CCSER2: variants seen among roughly 807,000 people sequenced by gnomAD.
CCSER2 encodes the protein serine-rich coiled-coil domain-containing protein 2.
Under a neutral mutation model 92.3 loss-of-function variants are expected in CCSER2, and 46 were observed. The ratio of observed to expected loss-of-function variants is 0.50; its 90% CI spans 0.39 to 0.64. The LOEUF (loss-of-function observed/expected upper bound fraction) is 0.64, where lower values mean the gene tolerates loss of function less well. Ranked by LOEUF, CCSER2 falls within the 30% of genes least tolerant of loss-of-function variation. The probability of loss-of-function intolerance (pLI) is 0.00; values close to 1 mark genes in which losing one functional copy is unlikely to be tolerated. For synonymous variants in CCSER2, 433 were observed against 431.4 expected (o/e 1.00, Z -0.04); for missense variants, 1,244 against 1,238.9 (o/e 1.00, Z -0.06).
intron 3 of CCSER2, among the ~76,000 whole-genome samples, chr10:84,400,082 T>A (rs1300058555): frequency 6.6e-6 from 1 of 152,166 alleles, no homozygotes; most frequent in Non-Finnish European, 1.5e-5. Flanking sequence ...CTGGGCTGTT[T>A]GTGTTTTTGT....
At chr10:84,502,552 T>C (rs1848819732) in intron 9 of CCSER2, among the ~76,000 whole-genome samples, 1 of 152,024 alleles carries the variant, frequency 6.6e-6, no homozygotes, top group Admixed American at 6.5e-5. Flanking sequence ...TTTGTATTTT[T>C]AGTAGAGACG....
intron 3 of CCSER2, among the ~76,000 whole-genome samples, chr10:84,408,419 T>C (rs1842476670): frequency 6.6e-6 from 1 of 152,104 alleles, no homozygotes; most frequent in Non-Finnish European, 1.5e-5. Flanking sequence ...TTTTCCTCTC[T>C]CTCCCTCCAT....
chr10:84,447,742 ATTTGTT>A (rs1384690384), intron 6 of CCSER2, among the ~76,000 whole-genome samples: 1 of 152,022 alleles, frequency 6.6e-6, no homozygotes, highest in Non-Finnish European at 1.5e-5. Context: ...GTCCACTTTT[ATTTGTT>A]TTTATCTGTG....
intron 4 of CCSER2, chr10:84,425,026 A>G (rs761761582): frequency 4.1e-6 from 4 of 981,134 alleles, no homozygotes; most frequent in Non-Finnish European, 4.8e-6. Flanking sequence ...GAGTGCTCAG[A>G]TATGTGAGGA....
intron 9 of CCSER2, among the ~76,000 whole-genome samples, chr10:84,482,318 A>G (rs1003613217): frequency 5.9e-5 from 9 of 152,218 alleles, no homozygotes; most frequent in Admixed American, 4.6e-4. Context: ...AAGAAGAATA[A>G]CAATATGGAA....
chr10:84,513,067 C>T (rs1849446952), intron 9 of CCSER2, among the ~76,000 whole-genome samples: 1 of 151,888 alleles, frequency 6.6e-6, no homozygotes, highest in Non-Finnish European at 1.5e-5. Context: ...CGAAGGTCAC[C>T]GTTAACACCT....
intron 5 of CCSER2, among the ~76,000 whole-genome samples, chr10:84,430,185 T>C (rs1241829079): frequency 2.0e-5 from 3 of 152,158 alleles, no homozygotes; most frequent in Non-Finnish European, 4.4e-5. Context: ...TGCAGTCCTG[T>C]AAGTAGTTTG....
chr10:84,382,577 GA>G (rs1157605463), intron 3 of CCSER2, among the ~76,000 whole-genome samples: 2 of 152,166 alleles, frequency 1.3e-5, no homozygotes, highest in African/African-American at 4.8e-5. Context: ...GCAATGCTAG[GA>G]CAATACAAGA....
intron 9 of CCSER2, among the ~76,000 whole-genome samples, chr10:84,478,201 C>T (rs1417042670): frequency 6.6e-6 from 1 of 152,134 alleles, no homozygotes. Flanking sequence ...CTATGTATTC[C>T]ATGCTTATTT....
chr10:84,348,102 G>A (rs1165372989), intron 1 of CCSER2, among the ~76,000 whole-genome samples: 1 of 152,220 alleles, frequency 6.6e-6, no homozygotes. Context: ...CAAGGCAGGC[G>A]GCTGGGAGGT....
chr10:84,369,176 G>T, intron 1 of CCSER2, among the ~76,000 whole-genome samples: 1 of 150,736 alleles, frequency 6.6e-6, no homozygotes. Flanking sequence ...TTTTCCTTTG[G>T]GTAGATACCC....
intron 1 of CCSER2, among the ~76,000 whole-genome samples, chr10:84,353,392 T>G (rs1374607298): frequency 6.6e-6 from 1 of 152,238 alleles, no homozygotes; most frequent in Non-Finnish European, 1.5e-5. Context: ...CTGTGCTAGA[T>G]GCTGAGTATT....
At chr10:84,357,519 G>A (rs938119063) in intron 1 of CCSER2, among the ~76,000 whole-genome samples, 8 of 147,012 alleles carry the variant, frequency 5.4e-5, no homozygotes, top group East Asian at 2.0e-4. Flanking sequence ...GTGTGATCTC[G>A]GCTCACTGCA....
chr10:84,350,525 T>G (rs777521279), intron 1 of CCSER2, among the ~76,000 whole-genome samples: 12 of 152,202 alleles, frequency 7.9e-5, no homozygotes, highest in Non-Finnish European at 1.8e-4. Flanking sequence ...AATATTTGAG[T>G]GAAAGGAAAC....
At chr10:84,417,373 A>G (rs1368977362) in intron 3 of CCSER2, among the ~76,000 whole-genome samples, 1 of 152,186 alleles carries the variant, frequency 6.6e-6, no homozygotes, top group Non-Finnish European at 1.5e-5. Context: ...TTATTTTATT[A>G]TTTATGTAAG....
At chr10:84,396,929 A>C (rs11201024) in intron 3 of CCSER2, among the ~76,000 whole-genome samples, 16,346 of 152,320 alleles carry the variant, frequency 0.11, 1,105 homozygotes, top group Admixed American at 0.15. Context: ...AATGGGCATC[A>C]AGATTGTTTC....
chr10:84,360,816 C>T (rs935407878), intron 1 of CCSER2, among the ~76,000 whole-genome samples: 2 of 152,166 alleles, frequency 1.3e-5, no homozygotes, highest in Non-Finnish European at 2.9e-5. Context: ...TGAAGTCTTC[C>T]GGGTGATTCT....
rs564316074 is a variant in CCSER2, at chr10:84,384,392, A to G, written c.1614+10577A>G. On this transcript the variant is annotated intron_variant, in intron 3 of 9. Transcript: ENST00000372088. ...AAAGTCTTCAACAGAATACTGGCAAACCAAATCAAACAGCAACTCAAAAAG... is the reference window on the plus strand; with the variant it reads ...AAAGTCTTCAACAGAATACTGGCAAGCCAAATCAAACAGCAACTCAAAAAG... Among the ~76,000 whole-genome samples, 8 of 152,328 alleles carry G rather than the reference A, an allele frequency of 5.3e-5. No homozygotes were observed. In the South Asian group the frequency reaches 1.7e-3, roughly 32 times the overall value.
chr10:84,445,633 C>T (rs1471982620), intron 6 of CCSER2, among the ~76,000 whole-genome samples: 1 of 152,084 alleles, frequency 6.6e-6, no homozygotes, highest in Non-Finnish European at 1.5e-5. Context: ...CTCTGCTTGC[C>T]CATTCTCATG....
Sources: allele counts gnomAD v4.1 joint callset (sites outside exome capture counted in the v4.1 genomes callset), GRCh38; gene constraint gnomAD v4.1.1; transcripts MANE v1.5; gene names NCBI Gene and HGNC (gene_info 2026-07-23, HGNC 2026-07-21).